The following TMCC1 variants were observed in gnomAD, a reference collection of about 807,000 sequenced individuals.
The protein encoded by TMCC1 is transmembrane and coiled-coil domains protein 1.
TMCC1 carries 15 observed loss-of-function variants against 52.4 expected under a neutral mutation model. That is an observed-to-expected ratio of 0.29 (90% CI 0.19 to 0.44). The LOEUF is 0.44. Among genes scored for constraint, TMCC1 ranks in the 20% least tolerant of loss-of-function variants. The pLI, the probability that TMCC1 is intolerant of heterozygous loss-of-function variation, is 1.00. For missense variants in TMCC1, 503 were observed against 806.0 expected (o/e 0.62, Z 4.55); for synonymous variants, 279 against 301.9 (o/e 0.92, Z 0.79).
intron 2 of TMCC1, among the ~76,000 whole-genome samples, chr3:129,851,977 T>A (rs754244747): frequency 6.6e-6 from 1 of 151,950 alleles, no homozygotes; most frequent in Non-Finnish European, 1.5e-5. Context: ...TAATGAGACC[T>A]TGTCTCCACT....
At chr3:129,727,828 C>T (rs1211325889) in intron 4 of TMCC1, among the ~76,000 whole-genome samples, 1 of 152,182 alleles carries the variant, frequency 6.6e-6, no homozygotes, top group African/African-American at 2.4e-5. Context: ...CTAGCTATAG[C>T]AAATGGCATA....
intron 4 of TMCC1, among the ~76,000 whole-genome samples, chr3:129,806,990 TTAAA>T (rs1421454784): frequency 1.3e-5 from 2 of 151,554 alleles, no homozygotes; most frequent in African/African-American, 2.4e-5. Context: ...GAGGAGGAAA[TTAAA>T]TAAATAATAT....
intron 4 of TMCC1, among the ~76,000 whole-genome samples, chr3:129,791,872 C>T (rs1485709533): frequency 6.6e-6 from 1 of 152,132 alleles, no homozygotes; most frequent in African/African-American, 2.4e-5. Flanking sequence ...CTACAACAAT[C>T]ACTTGAATAT....
At chr3:129,744,981 A>G (rs1395048713) in intron 4 of TMCC1, among the ~76,000 whole-genome samples, 1 of 152,270 alleles carries the variant, frequency 6.6e-6, no homozygotes, top group Admixed American at 6.5e-5. Context: ...CACAGTTCAG[A>G]AAGTTTAAGA....
At chr3:129,784,290 A>AT (rs367690102) in intron 4 of TMCC1, among the ~76,000 whole-genome samples, 1 of 152,176 alleles carries the variant, frequency 6.6e-6, no homozygotes, top group Non-Finnish European at 1.5e-5. Flanking sequence ...GCAAAAAAAA[A>AT]GTAATAGGCT....
At chr3:129,843,936 A>G (rs1445687696) in intron 2 of TMCC1, among the ~76,000 whole-genome samples, 1 of 148,866 alleles carries the variant, frequency 6.7e-6, no homozygotes, top group Non-Finnish European at 1.5e-5. Flanking sequence ...ACAACTCTGC[A>G]TGCAGACCAG....
Position 129,777,190 on chromosome 3 carries a change from A to T in TMCC1, c.576+50613T>A, listed in dbSNP as rs1289617340. On this transcript the variant is annotated intron_variant, in intron 4 of 6. Coordinates refer to ENST00000393238, the MANE Select transcript of TMCC1 (RefSeq NM_001017395.5). ...GTATCACAAGTGCTGGGAGGATTAA[A>T]CAAGATCTTGTTTATAAAGTGCTAA... 3.9e-5 allele frequency among the ~76,000 whole-genome samples: 6 copies of T among 152,326 alleles called. No individual in the cohort carries two copies. The South Asian group carries it at 8.3e-4, about 21-fold the overall frequency.
At chr3:129,780,581 C>A (rs970223779) in intron 4 of TMCC1, among the ~76,000 whole-genome samples, 3 of 151,944 alleles carry the variant, frequency 2.0e-5, no homozygotes, top group Non-Finnish European at 2.9e-5. Flanking sequence ...CATAATATAC[C>A]CAAACTTGAA....
intron 2 of TMCC1, among the ~76,000 whole-genome samples, chr3:129,876,268 C>T: frequency 6.9e-6 from 1 of 144,986 alleles, no homozygotes; most frequent in East Asian, 2.0e-4. Context: ...GATTTGAACC[C>T]AGGTTTAATG....
In TMCC1 at chr3:129,688,083, G is replaced by C. The variant is rs1447528137; in HGVS notation, c.577-16819C>G. 4.3e-6 allele frequency: 4 copies of C among 926,278 alleles called. No homozygotes were observed. The African/African-American group carries it at 7.1e-5, about 17-fold the overall frequency. 57.4% of individuals were successfully genotyped at this position (926,278 alleles called of 1,614,324 possible). Reference sequence around the variant, plus strand: ...ATCCTTTTCCATCAAACATGATTTTGCAAAATGTTTTAGTTATTGCTAAGA... The same window carrying C: ...ATCCTTTTCCATCAAACATGATTTTCCAAAATGTTTTAGTTATTGCTAAGA... On this transcript the variant is annotated intron_variant, in intron 4 of 6. Transcript: ENST00000393238.
intron 4 of TMCC1, among the ~76,000 whole-genome samples, chr3:129,797,188 T>A (rs918340200): frequency 1.3e-5 from 2 of 152,072 alleles, no homozygotes; most frequent in African/African-American, 2.4e-5. Context: ...TAGCTGGGTG[T>A]GCTGGCAGGC....
intron 2 of TMCC1, among the ~76,000 whole-genome samples, chr3:129,859,007 T>C (rs1470018560): frequency 6.6e-6 from 1 of 152,188 alleles, no homozygotes; most frequent in Non-Finnish European, 1.5e-5. Context: ...GCAATTAATA[T>C]AAACATAGTA....
At chr3:129,697,904 G>C (rs993685928) in intron 4 of TMCC1, among the ~76,000 whole-genome samples, 2 of 152,110 alleles carry the variant, frequency 1.3e-5, no homozygotes, top group Admixed American at 1.3e-4. Context: ...CATTCAACAA[G>C]ACTCTAGGAA....
chr3:129,824,072 A>G (rs1237332368), intron 4 of TMCC1, among the ~76,000 whole-genome samples: 1 of 152,242 alleles, frequency 6.6e-6, no homozygotes, highest in African/African-American at 2.4e-5. Context: ...GCGGTGGCTC[A>G]TGCCTGTAAT....
At chr3:129,812,384 T>C (rs765315328) in intron 4 of TMCC1, among the ~76,000 whole-genome samples, 2 of 142,484 alleles carry the variant, frequency 1.4e-5, no homozygotes, top group Non-Finnish European at 3.1e-5. Context: ...AACAGGGCAT[T>C]ATGTAAAAGA....
rs2058453721 is a variant in TMCC1, at chr3:129,822,171, A to G, written c.576+5632T>C. 4.6e-5 allele frequency among the ~76,000 whole-genome samples: 7 copies of G among 152,300 alleles called. No individual in the cohort carries two copies. In the South Asian group the frequency reaches 1.2e-3, roughly 27 times the overall value. On this transcript the variant is annotated intron_variant, in intron 4 of 6. Coordinates refer to ENST00000393238, the MANE Select transcript of TMCC1 (RefSeq NM_001017395.5). ...TAGACATCTGAGAATCCAGGATGTC[A>G]CTGTTCATATTTTAATGATGAATGG...
intron 4 of TMCC1, among the ~76,000 whole-genome samples, chr3:129,691,506 C>A (rs894274403): frequency 1.4e-4 from 21 of 151,650 alleles, no homozygotes; most frequent in Non-Finnish European, 4.4e-5. Flanking sequence ...AACAGCCAGG[C>A]GTGGTGGCTC....
chr3:129,773,999 CA>C (rs1463692054), intron 4 of TMCC1, among the ~76,000 whole-genome samples: 1 of 151,816 alleles, frequency 6.6e-6, no homozygotes, highest in African/African-American at 2.4e-5. Flanking sequence ...AAATGAAATA[CA>C]AAAAAAATTA....
chr3:129,734,988 C>T (rs970940742), intron 4 of TMCC1, among the ~76,000 whole-genome samples: 7 of 151,708 alleles, frequency 4.6e-5, no homozygotes, highest in Admixed American at 1.3e-4. Flanking sequence ...CTGCAAGCTC[C>T]GTCTCCGGGT....
Sources: allele counts gnomAD v4.1 joint callset (sites outside exome capture counted in the v4.1 genomes callset), GRCh38; gene constraint gnomAD v4.1.1; transcripts MANE v1.5; gene names NCBI Gene and HGNC (gene_info 2026-07-23, HGNC 2026-07-21).